The following GPD2 variants were observed in gnomAD, a reference collection of about 807,000 sequenced individuals.
GPD2 encodes glycerol-3-phosphate dehydrogenase, mitochondrial.
Under a neutral mutation model 82.4 loss-of-function variants are expected in GPD2, and 54 were observed. That is an observed-to-expected ratio of 0.66 (90% CI 0.53 to 0.82). The LOEUF is 0.82. Ranked by LOEUF, GPD2 falls within the 40% of genes least tolerant of loss-of-function variation. The pLI is 0.00. For synonymous variants in GPD2, 288 were observed against 306.1 expected (o/e 0.94, Z 0.62); for missense variants, 748 against 896.2 (o/e 0.83, Z 2.11).
chr2:156,583,108 CCATT>C lies in GPD2; in HGVS notation c.*193_*196del. The C allele has an allele frequency of 1.6e-6, 1 of 639,296 alleles. No homozygotes were observed. The highest frequency in any genetic ancestry group is 2.8e-6 in the Non-Finnish European group (1 of 360,106). The allele number at this position is 639,296 out of a possible 1,614,324, so 39.6% of individuals were successfully genotyped here. ...ATTTGCTGTACTTTATTTGTATTTG[CCATT>C]CAGTCTAGCTTTTAAGTATATTTTT... On this transcript the variant is annotated 3_prime_UTR_variant, in exon 17 of 17. Transcript: ENST00000438166.
At chr2:156,487,245 G>A (rs1683980088) in intron 2 of GPD2, among the ~76,000 whole-genome samples, 1 of 152,178 alleles carries the variant, frequency 6.6e-6, no homozygotes, top group Admixed American at 6.5e-5. Flanking sequence ...GGAGGTGGAA[G>A]TTGTGCTTTG....
At chr2:156,490,399 A>T (rs984458627) in intron 2 of GPD2, among the ~76,000 whole-genome samples, 10 of 151,958 alleles carry the variant, frequency 6.6e-5, no homozygotes, top group African/African-American at 2.4e-4. Flanking sequence ...AAAAAAAAAA[A>T]AACAAAAATA....
At chr2:156,579,044 C>A in intron 14 of GPD2, 42 bp from the exon 15 acceptor site, 3 of 1,556,846 alleles carry the variant, frequency 1.9e-6, no homozygotes, top group Non-Finnish European at 2.7e-6. Flanking sequence ...TTTTTTTGGC[C>A]TATGTAAGTA....
chr2:156,542,521 C>G (rs143008083), intron 6 of GPD2, among the ~76,000 whole-genome samples: 1 of 152,072 alleles, frequency 6.6e-6, no homozygotes, highest in East Asian at 1.9e-4. Context: ...TACATCAACC[C>G]AGGAAGATTT....
At chr2:156,502,893 A>T (rs114213219) in intron 3 of GPD2, among the ~76,000 whole-genome samples, 3,163 of 151,198 alleles carry the variant, frequency 0.021, 109 homozygotes, top group African/African-American at 0.073. Flanking sequence ...TTTGCTTTGT[A>T]TTTTTTTTAA....
At chr2:156,536,597 G>A (rs1353173977) in intron 6 of GPD2, among the ~76,000 whole-genome samples, 1 of 152,160 alleles carries the variant, frequency 6.6e-6, no homozygotes, top group Non-Finnish European at 1.5e-5. Context: ...CCTGCTAAAA[G>A]GTTTCTTGAC....
intron 2 of GPD2, among the ~76,000 whole-genome samples, chr2:156,490,312 C>T (rs1289500947): frequency 6.6e-6 from 1 of 151,168 alleles, no homozygotes; most frequent in Non-Finnish European, 1.5e-5. Flanking sequence ...TAAGTAGGGC[C>T]TTAGGCTGTG....
chr2:156,445,731 GA>G (rs1682347264), intron 1 of GPD2, among the ~76,000 whole-genome samples: 2 of 152,168 alleles, frequency 1.3e-5, no homozygotes, highest in African/African-American at 4.8e-5. Context: ...AGTCATGAGA[GA>G]GTTATCTTAC....
the GPD2 span, among the ~76,000 whole-genome samples, chr2:156,405,459 C>A: frequency 2.0e-5 from 3 of 152,194 alleles, no homozygotes; most frequent in East Asian, 1.9e-4. Context: ...GAGGACGCAG[C>A]CTTAGGGAAT....
intron 12 of GPD2, among the ~76,000 whole-genome samples, chr2:156,570,579 T>C (rs1431529321): frequency 6.6e-6 from 1 of 152,182 alleles, no homozygotes; most frequent in Non-Finnish European, 1.5e-5. Context: ...GTTTAGGTCT[T>C]GTTTCCCATC....
intron 3 of GPD2, among the ~76,000 whole-genome samples, chr2:156,498,951 C>T (rs1684486757): frequency 6.6e-6 from 1 of 151,940 alleles, no homozygotes; most frequent in Non-Finnish European, 1.5e-5. Context: ...TGTCATGTAC[C>T]AACCTAATAG....
chr2:156,516,795 T>C (rs1412567833), intron 6 of GPD2, among the ~76,000 whole-genome samples: 1 of 152,110 alleles, frequency 6.6e-6, no homozygotes, highest in Non-Finnish European at 1.5e-5. Flanking sequence ...TAAAAATTCT[T>C]ATTAGTAATA....
At chr2:156,574,816 T>C (rs992703651) in intron 13 of GPD2, among the ~76,000 whole-genome samples, 7 of 152,164 alleles carry the variant, frequency 4.6e-5, no homozygotes, top group Admixed American at 3.9e-4. Flanking sequence ...CCAAATGTAA[T>C]GTTTAAAAGT....
the GPD2 span, among the ~76,000 whole-genome samples, chr2:156,407,633 G>A: frequency 6.6e-6 from 1 of 152,192 alleles, no homozygotes; most frequent in Non-Finnish European, 1.5e-5. Context: ...AGACAGTGAG[G>A]TACCATAATT....
rs1688202309 is a variant in GPD2 at position 156,585,958 on chromosome 2, A to G, written c.*3040A>G. 1 of 152,314 alleles carries G rather than the reference A, an allele frequency of 6.6e-6. No individual in the cohort carries two copies. Among genetic ancestry groups the G allele is most frequent in the African/African-American group, 2.4e-5 (1 of 41,394 alleles). 9.4% of individuals were successfully genotyped at this position (152,314 alleles called of 1,614,324 possible). On this transcript the variant is annotated 3_prime_UTR_variant, in exon 17 of 17. Transcript: ENST00000438166. Reference sequence around the variant, plus strand: ...ATGTTGGGTTATTGTTCTAGACTGGACTGTTAAATACTATGTTTGAGGCTG... The same window carrying G: ...ATGTTGGGTTATTGTTCTAGACTGGGCTGTTAAATACTATGTTTGAGGCTG...
At chr2:156,573,850 A>C (rs1687723611) in intron 13 of GPD2, among the ~76,000 whole-genome samples, 1 of 152,154 alleles carries the variant, frequency 6.6e-6, no homozygotes, top group Non-Finnish European at 1.5e-5. Flanking sequence ...AAAAGGTTAA[A>C]AGCATTGGGA....
chr2:156,568,230 A>G (rs932808416), intron 9 of GPD2, among the ~76,000 whole-genome samples: 1 of 152,134 alleles, frequency 6.6e-6, no homozygotes, highest in African/African-American at 2.4e-5. Flanking sequence ...TCTGATCTGT[A>G]TGGTGAGAAT....
intron 8 of GPD2, among the ~76,000 whole-genome samples, chr2:156,555,462 T>C (rs1686928684): frequency 6.6e-6 from 1 of 152,220 alleles, no homozygotes; most frequent in Admixed American, 6.5e-5. Flanking sequence ...GTCTAGTCCT[T>C]GATATAGTCA....
intron 2 of GPD2, chr2:156,495,498 A>G (rs750197158): frequency 1.5e-5 from 5 of 330,528 alleles, no homozygotes; most frequent in Non-Finnish European, 1.9e-5. Context: ...ATTATTTAGT[A>G]CCTTCTGTTA....
Sources: gnomAD v4.1 joint callset for allele counts (sites outside exome capture counted in the v4.1 genomes callset) on GRCh38, gnomAD v4.1.1 for gene constraint, MANE v1.5 for transcripts, NCBI Gene and HGNC (gene_info 2026-07-23, HGNC 2026-07-21) for gene names.